Variants in FGFRL1 observed in about 807,000 individuals in gnomAD.
The protein encoded by FGFRL1 is fibroblast growth factor receptor like 1.
FGFRL1 carries 24 observed loss-of-function variants against 36.8 expected under a neutral mutation model. The observed-to-expected ratio is 0.65, with a 90% CI of 0.47 to 0.92. FGFRL1 has a LOEUF of 0.92. FGFRL1 is among the 40% of genes least tolerant of loss of function. FGFRL1 has a pLI of 0.00. For missense variants in FGFRL1, 785 were observed against 753.4 expected (o/e 1.04, Z -0.49); for synonymous variants, 422 against 344.1 (o/e 1.23, Z -2.50).
In FGFRL1 at chr4:1,025,283, C is replaced by T; in HGVS notation, c.1451C>T (p.Thr484Ile). ...ACAGACATCCACACACACACACACA[C>T]ACACTCTCACACACACTCACACGTG... ...LYTDIHTHTH[T>I]HSHTHSHVEG... Residue 484 changes from threonine (T) to isoleucine (I), a missense_variant, in exon 7 of 7, where the codon ACA becomes ATA. Coordinates refer to ENST00000510644, the MANE Select transcript of FGFRL1 (RefSeq NM_001004356.3). 1 of 1,584,348 alleles carries T rather than the reference C, an allele frequency of 6.3e-7. No homozygotes were observed. Among genetic ancestry groups the T allele is most frequent in the Non-Finnish European group, 8.6e-7 (1 of 1,164,832 alleles).
At chr4:1,019,104 A>G (rs1716042665) in intron 2 of FGFRL1, among the ~76,000 whole-genome samples, 1 of 152,182 alleles carries the variant, frequency 6.6e-6, no homozygotes, top group African/African-American at 2.4e-5. Flanking sequence ...TGTGCCTGTC[A>G]TCCTGCACCT....
intron 2 of FGFRL1, among the ~76,000 whole-genome samples, chr4:1,018,652 G>A (rs1201743657): frequency 6.6e-6 from 1 of 152,182 alleles, no homozygotes; most frequent in Non-Finnish European, 1.5e-5. Flanking sequence ...GGTTCCCTGT[G>A]TTTCTTCCTG....
In FGFRL1 at chr4:1,017,099, C is replaced by T. The variant is rs959005670; in HGVS notation, c.79+4535C>T. 4.6e-5 allele frequency among the ~76,000 whole-genome samples: 7 copies of T among 152,326 alleles called. No homozygotes were observed. The South Asian group carries it at 1.4e-3, about 32-fold the overall frequency. ...AGTGTGTCCTGATTCCCCTCCCCTC[C>T]CTTCTGGTCAAGGTGAGCCCCCTTC... On this transcript the variant is annotated intron_variant, in intron 2 of 6. Transcript: ENST00000510644.
At chr4:1,016,788 C>T (rs1454426964) in intron 2 of FGFRL1, among the ~76,000 whole-genome samples, 3 of 152,206 alleles carry the variant, frequency 2.0e-5, no homozygotes, top group Non-Finnish European at 4.4e-5. Flanking sequence ...GAGCCTGGCC[C>T]TGGCACCTGA....
At chr4:1,012,732 T>C (rs1256054005) in intron 2 of FGFRL1, among the ~76,000 whole-genome samples, 168 bp downstream of exon 2, 1 of 152,156 alleles carries the variant, frequency 6.6e-6, no homozygotes, top group East Asian at 1.9e-4. Flanking sequence ...CCATGGGCTG[T>C]CCACAGCACC....
chr4:1,023,776 G>A lies in FGFRL1; in HGVS notation c.434-41G>A. On this transcript the variant is annotated intron_variant, in intron 4 of 6. Coordinates refer to ENST00000510644, the MANE Select transcript of FGFRL1 (RefSeq NM_001004356.3). This position sits in a 1 kb window ranked among gnomAD's most constrained non-coding sequence, Gnocchi z 6.0. ...GTCCGTCTGTCCCGGCCCCTTGGCTGCATCCCCGTCCTCTGACCTCCACGC... is the reference window on the plus strand; with the variant it reads ...GTCCGTCTGTCCCGGCCCCTTGGCTACATCCCCGTCCTCTGACCTCCACGC... 1 of 1,556,140 alleles carries A rather than the reference G, an allele frequency of 6.4e-7. No individual in the cohort carries two copies. Among genetic ancestry groups the A allele is most frequent in the Non-Finnish European group, 8.7e-7 (1 of 1,150,664 alleles).
At chr4:1,015,334 T>C (rs1334904106) in intron 2 of FGFRL1, among the ~76,000 whole-genome samples, 1 of 152,168 alleles carries the variant, frequency 6.6e-6, no homozygotes, top group South Asian at 2.1e-4. Flanking sequence ...CTGCACTCCC[T>C]GCCTGCCTGC....
chr4:1,024,691 C>T (rs781209880), intron 6 of FGFRL1, 27 bp downstream of exon 6: 8 of 1,570,950 alleles, frequency 5.1e-6, no homozygotes, highest in Middle Eastern at 1.7e-4. Flanking sequence ...CCACGCCACA[C>T]CATGCTGGTG....
intron 2 of FGFRL1, among the ~76,000 whole-genome samples, chr4:1,014,322 C>T (rs1225165315): frequency 6.6e-6 from 1 of 152,006 alleles, no homozygotes; most frequent in Admixed American, 6.5e-5. Flanking sequence ...TTCTCCCTTT[C>T]CATTTTATTT....
At chr4:1,014,638 G>C (rs568298877) in intron 2 of FGFRL1, among the ~76,000 whole-genome samples, 1 of 152,276 alleles carries the variant, frequency 6.6e-6, no homozygotes, top group East Asian at 1.9e-4. Context: ...GTTGTGATTC[G>C]GGGAAGCAAT....
chr4:1,012,831 C>T (rs1011138795), intron 2 of FGFRL1, among the ~76,000 whole-genome samples: 2 of 152,246 alleles, frequency 1.3e-5, no homozygotes, highest in African/African-American at 4.8e-5. Flanking sequence ...CCAGGACATG[C>T]TCCTGGTCTT....
At chr4:1,011,396 CGGGGCG>C (rs960750739), upstream of FGFRL1, 798 of 13,052 alleles carry the variant, frequency 0.061, 13 homozygotes, top group African/African-American at 0.16. Flanking sequence ...CGGGTTGGGG[CGGGGCG>C]GGGGCGGGGG....
Position 1,023,898 on chromosome 4 carries a change from G to A in FGFRL1, c.515G>A (p.Cys172Tyr). Residue 172 changes from cysteine to tyrosine, a missense_variant, in exon 5 of 7, where the codon TGC (cysteine) becomes TAC (tyrosine). Transcript: ENST00000510644. This position sits in a 1 kb window ranked among gnomAD's most constrained non-coding sequence, Gnocchi z 6.0. ...GTGGGTAGCTCCGTGCGGCTCAAGT[G>A]CGTGGCCAGCGGGCACCCTCGGCCC... ...RPVGSSVRLK[C>Y]VASGHPRPDI... 6.3e-7 allele frequency: 1 copy of A among 1,578,812 alleles called. No homozygotes were observed. Among genetic ancestry groups the A allele is most frequent in the Admixed American group, 1.8e-5 (1 of 56,814 alleles).
intron 2 of FGFRL1, among the ~76,000 whole-genome samples, chr4:1,015,850 A>G (rs1167876762): frequency 6.6e-6 from 1 of 152,186 alleles, no homozygotes; most frequent in Non-Finnish European, 1.5e-5. Flanking sequence ...AGTGGCTTCA[A>G]GGCCCTCTAC....
chr4:1,020,666 G>GGGGCGGGGCT (rs1716124465), intron 2 of FGFRL1, among the ~76,000 whole-genome samples: 1 of 90,904 alleles, frequency 1.1e-5, no homozygotes, highest in Non-Finnish European at 2.3e-5. Context: ...GGCAGGGGAT[G>GGGGCGGGGCT]GGGTGGGGAC....
chr4:1,022,284 A>G lies in FGFRL1; in HGVS notation c.161A>G (p.Glu54Gly), dbSNP rs1019527227. 1.3e-6 allele frequency: 2 copies of G among 1,589,580 alleles called. No homozygotes were observed. The highest frequency in any genetic ancestry group is 8.6e-7 in the Non-Finnish European group (1 of 1,169,586). ...ACTGTGCGGCTGCAGTGCCCAGTGG[A>G]GGGGGACCCGCCGCCGCTGACCATG... ...GRTVRLQCPV[E>G]GDPPPLTMWT... The change falls in exon 3 of 7, where the codon GAG becomes GGG. Residue 54 changes from glutamate to glycine, a missense_variant. Transcript: ENST00000510644.
rs765357209 is a variant in FGFRL1 at position 1,024,345 on chromosome 4, G to A, written c.753G>A (p.Thr251=). 1.1e-5 allele frequency: 18 copies of A among 1,609,710 alleles called. No homozygotes were observed. The highest frequency in any genetic ancestry group is 1.3e-5 in the African/African-American group (1 of 74,874). ...RTRSKPVLTG[T]HPVNTTVDFG... is the part of the protein sequence containing the mutation. ...GTTCCAAGCCCGTGCTCACAGGCAC[G>A]CACCCCGTGAACACGACGGTGGACT... The change falls in exon 6 of 7, where the codon ACG becomes ACA. Residue 251 remains threonine (T), a synonymous_variant. Coordinates refer to ENST00000510644, the MANE Select transcript of FGFRL1 (RefSeq NM_001004356.3).
In FGFRL1 at chr4:1,024,470, A is replaced by T. The variant is rs755880461; in HGVS notation, c.878A>T (p.Asn293Ile). 1 of 1,612,346 alleles carries T rather than the reference A, an allele frequency of 6.2e-7. No individual in the cohort carries two copies. Among genetic ancestry groups the T allele is most frequent in the Non-Finnish European group, 8.5e-7 (1 of 1,179,752 alleles). Reference protein sequence around the residue: ...RVEYGAEGRHNSTIDVGGQKF... With the variant: ...RVEYGAEGRHISTIDVGGQKF... ...GAGTACGGCGCCGAGGGCCGCCACA[A>T]CTCCACCATCGATGTGGGCGGCCAG... The change falls in exon 6 of 7, where the codon AAC (asparagine) becomes ATC (isoleucine). Residue 293 changes from asparagine (N) to isoleucine (I), a missense_variant. By Grantham distance (149) the Asn-to-Ile change is moderately radical (BLOSUM62 -3). Transcript: ENST00000510644.
chr4:1,020,505 G>A (rs1200290121), intron 2 of FGFRL1, among the ~76,000 whole-genome samples: 1 of 151,498 alleles, frequency 6.6e-6, no homozygotes, highest in Non-Finnish European at 1.5e-5. Context: ...GGGTCTGTGT[G>A]TTCTAGGTTC....
Sources: gnomAD v4.1 joint callset for allele counts (sites outside exome capture counted in the v4.1 genomes callset) on GRCh38, gnomAD v4.1.1 for gene constraint, Gnocchi (gnomAD v3.1) non-coding constraint, MANE v1.5 for transcripts, NCBI Gene and HGNC (gene_info 2026-07-23, HGNC 2026-07-21) for gene names.